The following GOSR2 variants were observed in gnomAD, a reference collection of about 807,000 sequenced individuals.
GOSR2 encodes 27 kDa Golgi SNARE protein.
GOSR2 carries 20 observed loss-of-function variants against 27.9 expected under a neutral mutation model. The ratio of observed to expected loss-of-function variants is 0.72; its 90% CI spans 0.50 to 1.04. GOSR2 has a LOEUF of 1.04. Ranked by LOEUF, GOSR2 falls within the 50% of genes least tolerant of loss-of-function variation. The pLI is 0.00. For synonymous variants in GOSR2, 91 were observed against 98.8 expected, an observed-to-expected ratio of 0.92 and a Z score of 0.47; for missense variants, 261 against 270.5, an observed-to-expected ratio of 0.97 and a Z score of 0.25.
intron 1 of GOSR2, chr17:46,923,777 A>G: frequency 2.4e-6 from 1 of 411,972 alleles, no homozygotes. Context: ...AAGAAAATCA[A>G]ATTGTAATTT....
In GOSR2 at chr17:46,938,902, T is replaced by G; in HGVS notation, c.*142T>G. 1 of 1,533,396 alleles carries G rather than the reference T, an allele frequency of 6.5e-7. No homozygotes were observed. Among genetic ancestry groups the G allele is most frequent in the Non-Finnish European group, 8.8e-7 (1 of 1,142,076 alleles). 95.0% of individuals were successfully genotyped at this position (1,533,396 alleles called of 1,614,324 possible). Reference sequence around the variant, plus strand: ...AAGACACTTGGGAGTGATTGTGGTCTAATTTCCAACCTGCTCTGTTTTCTG... The same window carrying G: ...AAGACACTTGGGAGTGATTGTGGTCGAATTTCCAACCTGCTCTGTTTTCTG... On this transcript the variant is annotated 3_prime_UTR_variant, in exon 6 of 6. Transcript: ENST00000640051.
rs775000160 is a variant in GOSR2, at chr17:46,931,157, G to T, written c.153G>T (p.Leu51=). The T allele has an allele frequency of 6.2e-7, 1 of 1,611,702 alleles. No homozygotes were observed. The highest frequency in any genetic ancestry group is 8.5e-7 in the Non-Finnish European group (1 of 1,177,748). Reference sequence around the variant, plus strand: ...AGATATTCAGCCGTCTAGAACGTCTGGAGATTTTGTCCAGCAAGGAGCCCC... The same window carrying T: ...AGATATTCAGCCGTCTAGAACGTCTTGAGATTTTGTCCAGCAAGGAGCCCC... ...IDQIFSRLER[L]EILSSKEPPN... The change falls in exon 3 of 6, where the codon CTG becomes CTT. Residue 51 remains leucine (L), a synonymous_variant. Transcript: ENST00000640051.
At chr17:46,926,771 A>G (rs1375834178) in intron 1 of GOSR2, among the ~76,000 whole-genome samples, 3 of 152,194 alleles carry the variant, frequency 2.0e-5, no homozygotes, top group Non-Finnish European at 2.9e-5. Flanking sequence ...CTGGAATTGT[A>G]TTATTGGCCA....
intron 6 of GOSR2, among the ~76,000 whole-genome samples, chr17:46,961,395 C>T (rs569675335): frequency 3.9e-5 from 6 of 152,148 alleles, no homozygotes; most frequent in African/African-American, 1.4e-4. Flanking sequence ...ATAACTGGAA[C>T]ATGGTGGTGT....
chr17:46,968,046 A>G (rs182245277), downstream of GOSR2, among the ~76,000 whole-genome samples: 4 of 152,154 alleles, frequency 2.6e-5, no homozygotes, highest in Admixed American at 2.0e-4. Flanking sequence ...TGGGAAGAGG[A>G]CCAGCCTGGG....
At position 46,940,956 on chromosome 17, in the gene GOSR2, C is replaced by T; in HGVS notation, c.*2196C>T. On this transcript the variant is annotated 3_prime_UTR_variant, in exon 6 of 6. Coordinates refer to ENST00000640051, the MANE Select transcript of GOSR2 (RefSeq NM_004287.5). ...CTTGGCCTAACAGTGTGACTCTCTC[C>T]ACCGCCTCAGTGTAGGGAAGGGTCC... is the stretch of plus-strand genomic sequence containing the variant. 8.1e-7 allele frequency: 1 copy of T among 1,241,994 alleles called. No homozygotes were observed. The highest frequency in any genetic ancestry group is 1.6e-5 in the South Asian group (1 of 63,362). 76.9% of individuals were successfully genotyped at this position (1,241,994 alleles called of 1,614,324 possible).
At chr17:46,967,417 C>T (rs1033169044), downstream of GOSR2, among the ~76,000 whole-genome samples, 1 of 152,164 alleles carries the variant, frequency 6.6e-6, no homozygotes, top group Non-Finnish European at 1.5e-5. Flanking sequence ...CCAAGATATA[C>T]GAAGATAGTA....
intron 1 of GOSR2, 145 bp from the exon 2 acceptor site, chr17:46,929,375 C>G: frequency 2.9e-6 from 2 of 692,402 alleles, no homozygotes; most frequent in South Asian, 3.0e-5. Flanking sequence ...AACGTGGGAC[C>G]TAAAGTGCCA....
intron 1 of GOSR2, among the ~76,000 whole-genome samples, chr17:46,928,515 G>A (rs1022080890): frequency 6.6e-6 from 1 of 152,174 alleles, no homozygotes; most frequent in African/African-American, 2.4e-5. Flanking sequence ...ACTGATCATG[G>A]AGGACCATTA....
rs1037416715 is a variant in GOSR2 at position 46,923,653 on chromosome 17, G to A, written c.29+432G>A. On this transcript the variant is annotated intron_variant, in intron 1 of 5. Coordinates refer to ENST00000640051, the MANE Select transcript of GOSR2 (RefSeq NM_004287.5). ...TCAGGGCACGTACGGGAAAGTATTT[G>A]TATTCTTATTCGATTTATACTAAAG... is the stretch of plus-strand genomic sequence containing the variant. The A allele has an allele frequency of 5.4e-6, 6 of 1,106,764 alleles. 1 individual carries two copies. Among genetic ancestry groups the A allele is most frequent in the Non-Finnish European group, 6.9e-6 (6 of 871,870 alleles). 68.6% of individuals were successfully genotyped at this position (1,106,764 alleles called of 1,614,324 possible).
Position 46,938,757 on chromosome 17 carries a change from A to G in GOSR2, c.636A>G (p.Thr212=), listed in dbSNP as rs990159762. The change falls in exon 6 of 6, where the codon ACA becomes ACG. Residue 212 remains threonine (T), a synonymous_variant. Transcript: ENST00000640051. ...VVMFLVVQYL[T] is the part of the protein sequence containing the mutation. Reference sequence around the variant, plus strand: ...TGTTCCTCGTGGTGCAGTACCTGACATGAGCCAGCCACGCTCAGTGGCTGA... The same window carrying G: ...TGTTCCTCGTGGTGCAGTACCTGACGTGAGCCAGCCACGCTCAGTGGCTGA... 10 of 1,613,816 alleles carry G rather than the reference A, an allele frequency of 6.2e-6. No individual in the cohort carries two copies. In the East Asian group the frequency reaches 1.6e-4, roughly 25 times the overall value.
downstream of GOSR2, among the ~76,000 whole-genome samples, chr17:46,942,534 A>G (rs1385225138): frequency 6.6e-6 from 1 of 152,180 alleles, no homozygotes; most frequent in Non-Finnish European, 1.5e-5. Context: ...GGGGGGATTG[A>G]GAGGTGTGCA....
intron 6 of GOSR2, among the ~76,000 whole-genome samples, chr17:46,956,908 A>G (rs2090755665): frequency 6.6e-6 from 1 of 152,232 alleles, no homozygotes; most frequent in African/African-American, 2.4e-5. Context: ...GAGGGAAGAA[A>G]GTGATGAATC....
chr17:46,951,744 A>G (rs533271512), intron 6 of GOSR2, among the ~76,000 whole-genome samples: 23 of 152,174 alleles, frequency 1.5e-4, no homozygotes, highest in Admixed American at 2.6e-4. Flanking sequence ...GGAAACCTCT[A>G]ATTTTCTGGG....
intron 6 of GOSR2, chr17:46,973,093 G>C (rs1187442500): frequency 6.5e-6 from 1 of 152,742 alleles, no homozygotes; most frequent in Non-Finnish European, 1.5e-5. Context: ...TCCCACTGAA[G>C]TCCTTTTAAT....
downstream of GOSR2, among the ~76,000 whole-genome samples, chr17:46,945,523 C>T (rs1178311310): frequency 3.3e-5 from 5 of 152,204 alleles, no homozygotes; most frequent in African/African-American, 1.2e-4. Context: ...TCACTCCAGC[C>T]TCAGTTTCCT....
At chr17:46,934,648 G>A (rs1244254167) in intron 4 of GOSR2, among the ~76,000 whole-genome samples, 2 of 152,242 alleles carry the variant, frequency 1.3e-5, no homozygotes, top group East Asian at 3.8e-4. Context: ...GCATTAAGGG[G>A]AAGCCATGGA....
chr17:46,929,426 C>CAGTTTT, intron 1 of GOSR2, 94 bp from the exon 2 acceptor site: 1 of 760,868 alleles, frequency 1.3e-6, no homozygotes, highest in Non-Finnish European at 2.4e-6. Context: ...CGATTTAAAT[C>CAGTTTT]AGTTACATGT....
intron 4 of GOSR2, chr17:46,932,536 A>G (rs924793404): frequency 2.2e-5 from 12 of 538,706 alleles, no homozygotes; most frequent in Non-Finnish European, 3.6e-5. Flanking sequence ...ATTAGAACTT[A>G]GGCCATTTGT....
Sources: gnomAD v4.1 joint callset for allele counts (sites outside exome capture counted in the v4.1 genomes callset) on GRCh38, gnomAD v4.1.1 for gene constraint, MANE v1.5 for transcripts, NCBI Gene and HGNC (gene_info 2026-07-23, HGNC 2026-07-21) for gene names.